The following C6orf118 variants were observed in gnomAD, a reference collection of about 807,000 sequenced individuals.
The protein encoded by C6orf118 is uncharacterized protein C6orf118.
A neutral mutation model predicts 50.2 loss-of-function variants in C6orf118; 50 were observed. That is an observed-to-expected ratio of 1.00 (90% CI 0.79 to 1.26). The LOEUF is 1.26. Among genes scored for constraint, C6orf118 ranks in the 50% most tolerant of loss-of-function variants. The pLI, the probability that C6orf118 is intolerant of heterozygous loss-of-function variation, is 0.00. For missense variants in C6orf118, 641 were observed against 578.7 expected, an observed-to-expected ratio of 1.11 and a Z score of -1.10; for synonymous variants, 239 against 230.9, an observed-to-expected ratio of 1.03 and a Z score of -0.32.
At chr6:165,289,700 T>C (rs1437931921) in intron 7 of C6orf118, among the ~76,000 whole-genome samples, 186 bp downstream of exon 7, 2 of 152,164 alleles carry the variant, frequency 1.3e-5, no homozygotes, top group African/African-American at 4.8e-5. Context: ...CACTTTCCTT[T>C]TTTCTTATTT....
intron 5 of C6orf118, among the ~76,000 whole-genome samples, chr6:165,296,233 T>C (rs1780293895): frequency 6.7e-6 from 1 of 149,694 alleles, no homozygotes; most frequent in Non-Finnish European, 1.5e-5. Flanking sequence ...TTGTTGTTGT[T>C]GTTGTTTTCG....
intron 2 of C6orf118, among the ~76,000 whole-genome samples, chr6:165,300,861 T>C (rs907231669): frequency 2.6e-5 from 4 of 151,826 alleles, no homozygotes; most frequent in Admixed American, 2.6e-4. Flanking sequence ...CATTTGGAGG[T>C]GATGCCTCCA....
chr6:165,301,888 T>A lies in C6orf118; in HGVS notation c.434A>T (p.Asp145Val), dbSNP rs1268276615. ...QASLSHTSEE[D>V]FLPVEAVREG... is the part of the protein sequence containing the mutation. ...TCTGACAGCCTCCACTGGAAGGAAATCCTCCTCTGAAGTGTGGGAAAGAGA... is the reference window on the plus strand; with the variant it reads ...TCTGACAGCCTCCACTGGAAGGAAAACCTCCTCTGAAGTGTGGGAAAGAGA... Residue 145 changes from aspartate (D) to valine (V), a missense_variant, in exon 2 of 9, where the codon GAT (aspartate) becomes GTT (valine). Asp to Val is a radical substitution (Grantham distance 152). Transcript: ENST00000230301. 6.2e-7 allele frequency: 1 copy of A among 1,613,818 alleles called. No individual in the cohort carries two copies. Among genetic ancestry groups the A allele is most frequent in the South Asian group, 1.1e-5 (1 of 91,074 alleles).
intron 4 of C6orf118, 44 bp downstream of exon 4, chr6:165,299,399 T>A: frequency 6.3e-7 from 1 of 1,575,366 alleles, no homozygotes. Context: ...TATGAAGCTA[T>A]GGATAAGCAG....
In C6orf118 at chr6:165,307,587, C is replaced by A. The variant is rs1020979688; in HGVS notation, c.25+1975G>T. Among the ~76,000 whole-genome samples, 10 of 152,090 alleles carry A rather than the reference C, an allele frequency of 6.6e-5. No individual in the cohort carries two copies. The East Asian group carries it at 1.9e-3, about 29-fold the overall frequency. ...AAAAAAAATTTTTTTTAATCACTGT[C>A]CCATGTTGTCAGATCTCTGGGAAAC... On this transcript the variant is annotated intron_variant, in intron 1 of 8. Transcript: ENST00000230301.
In C6orf118 at chr6:165,296,243, GTTTTTTGTT is replaced by G. The variant is rs1344099086; in HGVS notation, c.1061+1725_1061+1733del. Among the ~76,000 whole-genome samples the G allele has an allele frequency of 6.5e-3, 361 of 55,352 alleles. 2 individuals carry two copies. The highest frequency in any genetic ancestry group is 0.027 in the African/African-American group (350 of 12,748). The allele number at this position is 55,352 out of a possible 152,430, so 36.3% of individuals were successfully genotyped here. Reference sequence around the variant, plus strand: ...TTTTGTTGTTGTTGTTGTTGTTTTCGTTTTTTGTTTTTTTTTTTTTTTTTTTTTTTTTTT... The same window carrying G: ...TTTTGTTGTTGTTGTTGTTGTTTTCGTTTTTTTTTTTTTTTTTTTTTTTTT... On this transcript the variant is annotated intron_variant, in intron 5 of 8. Transcript: ENST00000230301.
At chr6:165,284,412 C>T (rs974160303) in intron 7 of C6orf118, among the ~76,000 whole-genome samples, 1 of 152,112 alleles carries the variant, frequency 6.6e-6, no homozygotes. Context: ...AGTATTTCAT[C>T]CAGGAGAACT....
In C6orf118 at chr6:165,300,106, C is replaced by T. The variant is rs73788324; in HGVS notation, c.876+258G>A. Among the ~76,000 whole-genome samples, 338 of 152,142 alleles carry T rather than the reference C, an allele frequency of 2.2e-3. 2 individuals are homozygous for T. The highest frequency in any genetic ancestry group is 7.8e-3 in the African/African-American group (322 of 41,516). On this transcript the variant is annotated intron_variant, in intron 3 of 8. Transcript: ENST00000230301. The stretch of plus-strand genomic sequence containing the variant: ...AATTAAGTTATATAAAATTTATAAA[C>T]GGTTATGCATAATTAGGAAGCTTTA...
chr6:165,285,292 T>G (rs1779863581), intron 7 of C6orf118, among the ~76,000 whole-genome samples: 2 of 152,096 alleles, frequency 1.3e-5, no homozygotes, highest in South Asian at 2.1e-4. Context: ...GCACCCAGTA[T>G]AAGAGCACCC....
At position 165,293,393 on chromosome 6, in the gene C6orf118, G is replaced by A. The variant is rs766875118; in HGVS notation, c.1120+20C>T. 2 of 1,611,780 alleles carry A rather than the reference G, an allele frequency of 1.2e-6. No homozygotes were observed. Among genetic ancestry groups the A allele is most frequent in the Non-Finnish European group, 8.5e-7 (1 of 1,177,814 alleles). ...TCACAGCAAAGCACCCATAAGGAAG[G>A]ACATCACACAGACACCTGCCTGATC... On this transcript the variant is annotated intron_variant, in intron 6 of 8. Coordinates refer to ENST00000230301, the MANE Select transcript of C6orf118 (RefSeq NM_144980.4).
chr6:165,280,059 ATCT>A lies in C6orf118; in HGVS notation c.1405_1407del (p.Arg469del), dbSNP rs1339452794. 1 of 1,605,656 alleles carries A rather than the reference ATCT, an allele frequency of 6.2e-7. No homozygotes were observed. The highest frequency in any genetic ancestry group is 1.7e-5 in the Admixed American group (1 of 57,794). ...CCATTTGTTCAGCCACTTGAGCGTT[ATCT>A]TCTGTTTCCTCTGATTTTACAAATT... On this transcript the variant is annotated inframe_deletion, in exon 9 of 9. Transcript: ENST00000230301.
chr6:165,283,266 A>T lies in C6orf118; in HGVS notation c.1303-1573T>A, dbSNP rs1042072596. Among the ~76,000 whole-genome samples the T allele has an allele frequency of 3.9e-5, 6 of 152,112 alleles. 1 individual carries two copies. In the East Asian group the frequency reaches 1.2e-3, roughly 29 times the overall value. ...GGGACCTTCCGCTCCCAGCCAAGGG[A>T]GGCAGTGAGTGATTGTGTTACCCTG... On this transcript the variant is annotated intron_variant, in intron 7 of 8. Coordinates refer to ENST00000230301, the MANE Select transcript of C6orf118 (RefSeq NM_144980.4).
chr6:165,297,281 C>T (rs1303351325), intron 5 of C6orf118, among the ~76,000 whole-genome samples: 1 of 151,496 alleles, frequency 6.6e-6, no homozygotes. Context: ...ATTAGCCGGG[C>T]GTGGTGGTAC....
intron 4 of C6orf118, 101 bp downstream of exon 4, chr6:165,299,342 A>T: frequency 5.2e-6 from 5 of 961,680 alleles, no homozygotes; most frequent in Non-Finnish European, 8.2e-6. Flanking sequence ...ATTATGGGGC[A>T]CACATGGGGC....
chr6:165,296,846 A>C (rs528843425), intron 5 of C6orf118, among the ~76,000 whole-genome samples: 8 of 152,264 alleles, frequency 5.3e-5, no homozygotes, highest in African/African-American at 1.9e-4. Flanking sequence ...ACACACTTGA[A>C]TGTCACCTTT....
chr6:165,298,122 G>A (rs773598129), intron 4 of C6orf118, 21 bp from the exon 5 acceptor site: 1 of 1,559,148 alleles, frequency 6.4e-7, no homozygotes, highest in Non-Finnish European at 8.6e-7. Context: ...CCAGGTACAT[G>A]AGGTGAGACA....
In C6orf118 at chr6:165,299,510, GAAAC is replaced by G; in HGVS notation, c.877-12_877-9del. 6.2e-7 allele frequency: 1 copy of G among 1,613,680 alleles called. No homozygotes were observed. Among genetic ancestry groups the G allele is most frequent in the Non-Finnish European group, 8.5e-7 (1 of 1,179,716 alleles). On this transcript the variant is annotated splice_polypyrimidine_tract_variant and intron_variant, in intron 3 of 8. Transcript: ENST00000230301. Reference sequence around the variant, plus strand: ...GTAGAGTTCATATTCATCCTGTACAGAAACAAACAAAAGTCCACTGGCCATGTAT... The same window carrying G: ...GTAGAGTTCATATTCATCCTGTACAGAAACAAAAGTCCACTGGCCATGTAT...
At chr6:165,301,463 C>T in intron 2 of C6orf118, 106 bp downstream of exon 2, 2 of 1,447,608 alleles carry the variant, frequency 1.4e-6, no homozygotes, top group Non-Finnish European at 1.8e-6. Context: ...TGCCCCGGAG[C>T]TCTGCCCCGA....
intron 1 of C6orf118, among the ~76,000 whole-genome samples, chr6:165,306,688 AT>A (rs1296175637): frequency 1.4e-5 from 2 of 144,100 alleles, no homozygotes; most frequent in African/African-American, 4.9e-5. Flanking sequence ...AGGCGACTTC[AT>A]TGCTGTTGTG....
Sources: gnomAD v4.1 joint callset for allele counts (sites outside exome capture counted in the v4.1 genomes callset) on GRCh38, gnomAD v4.1.1 for gene constraint, MANE v1.5 for transcripts, NCBI Gene and HGNC (gene_info 2026-07-23, HGNC 2026-07-21) for gene names.